Variants in CDH12 observed in about 807,000 individuals in gnomAD.
The protein encoded by CDH12 is cadherin 12.
Under a neutral mutation model 74.1 loss-of-function variants are expected in CDH12, and 41 were observed. The observed-to-expected ratio is 0.55, with a 90% CI of 0.43 to 0.72. CDH12 has a LOEUF of 0.72. CDH12 is among the 30% of genes least tolerant of loss of function. CDH12 has a pLI of 0.00. For synonymous variants in CDH12, 399 were observed against 355.0 expected (o/e 1.12, Z -1.39); for missense variants, 945 against 977.2 (o/e 0.97, Z 0.44).
intron 7 of CDH12, among the ~76,000 whole-genome samples, chr5:21,844,273 A>C (rs986160507): frequency 1.3e-5 from 2 of 152,044 alleles, no homozygotes; most frequent in Non-Finnish European, 2.9e-5. Context: ...TTCTTCTCCC[A>C]CCTTAAAATA....
At chr5:22,384,129 T>C (rs2126393806) in intron 3 of CDH12, among the ~76,000 whole-genome samples, 1 of 152,294 alleles carries the variant, frequency 6.6e-6, no homozygotes, top group Middle Eastern at 3.4e-3. Flanking sequence ...TATTTTATTA[T>C]TTTTCTCATT....
At chr5:22,245,138 G>T (rs1473917786) in intron 3 of CDH12, among the ~76,000 whole-genome samples, 1 of 152,162 alleles carries the variant, frequency 6.6e-6, no homozygotes, top group Non-Finnish European at 1.5e-5. Context: ...GTTTGGATTT[G>T]AAATTTTATT....
intron 3 of CDH12, among the ~76,000 whole-genome samples, chr5:22,325,513 A>C (rs1303893557): frequency 2.0e-5 from 3 of 152,196 alleles, no homozygotes; most frequent in Admixed American, 2.0e-4. Flanking sequence ...CTAAATTTAC[A>C]GTATCAGAGA....
At chr5:22,010,035 G>T (rs62349089) in intron 5 of CDH12, among the ~76,000 whole-genome samples, 9 of 151,866 alleles carry the variant, frequency 5.9e-5, no homozygotes, top group African/African-American at 2.2e-4. Flanking sequence ...AGAGAAATGG[G>T]TCAGCACTGT....
At chr5:21,996,377 C>T (rs995958852) in intron 5 of CDH12, among the ~76,000 whole-genome samples, 1 of 152,052 alleles carries the variant, frequency 6.6e-6, no homozygotes, top group African/African-American at 2.4e-5. Flanking sequence ...TAAAAGAAAA[C>T]CAAATGGTCT....
chr5:22,212,481 G>C lies in CDH12; in HGVS notation c.-187+17C>G. The C allele has an allele frequency of 1.1e-6, 1 of 885,576 alleles. No individual in the cohort carries two copies. Among genetic ancestry groups the C allele is most frequent in the Non-Finnish European group, 1.4e-6 (1 of 738,570 alleles). 54.9% of individuals were successfully genotyped at this position (885,576 alleles called of 1,614,324 possible). Reference sequence around the variant, plus strand: ...AAATTCAGTGCCATGCAGTCACCCGGATAAAGCAGCACTTACCTTAATTGA... The same window carrying C: ...AAATTCAGTGCCATGCAGTCACCCGCATAAAGCAGCACTTACCTTAATTGA... On this transcript the variant is annotated intron_variant, in intron 4 of 14. Transcript: ENST00000382254.
At chr5:22,100,047 T>C (rs1744047929) in intron 4 of CDH12, among the ~76,000 whole-genome samples, 1 of 152,108 alleles carries the variant, frequency 6.6e-6, no homozygotes, top group African/African-American at 2.4e-5. Flanking sequence ...ACATCGCCCA[T>C]TATCTCTCCA....
intron 8 of CDH12, among the ~76,000 whole-genome samples, chr5:21,817,397 T>C (rs1396811007): frequency 6.6e-6 from 1 of 152,088 alleles, no homozygotes; most frequent in Non-Finnish European, 1.5e-5. Context: ...GCAGGACTTG[T>C]TTTACACACT....
chr5:21,956,487 T>A (rs1429398677), intron 6 of CDH12, among the ~76,000 whole-genome samples: 1 of 152,082 alleles, frequency 6.6e-6, no homozygotes, highest in South Asian at 2.1e-4. Flanking sequence ...ATCAGTTTTG[T>A]CTTTTATATT....
At chr5:21,833,314 G>A (rs1258936682) in intron 8 of CDH12, among the ~76,000 whole-genome samples, 771 of 3,536 alleles carry the variant, frequency 0.22, 79 homozygotes, top group African/African-American at 0.45. Flanking sequence ...TATGTTATAT[G>A]TTATATAATA....
intron 1 of CDH12, among the ~76,000 whole-genome samples, chr5:22,629,235 C>T (rs1738454446): frequency 6.6e-6 from 1 of 151,974 alleles, no homozygotes; most frequent in South Asian, 2.1e-4. Flanking sequence ...GGATCTCCTA[C>T]CCTAACTCAT....
At chr5:21,987,877 A>C (rs567453857) in intron 5 of CDH12, among the ~76,000 whole-genome samples, 4,277 of 152,052 alleles carry the variant, frequency 0.028, 199 homozygotes, top group African/African-American at 0.096. Context: ...CATTGGTTTT[A>C]TTTACCATCT....
At chr5:21,894,702 T>A (rs1335302121) in intron 6 of CDH12, among the ~76,000 whole-genome samples, 1 of 152,084 alleles carries the variant, frequency 6.6e-6, no homozygotes, top group African/African-American at 2.4e-5. Flanking sequence ...TTAGTTGCAT[T>A]CTAGGACTCC....
intron 1 of CDH12, among the ~76,000 whole-genome samples, chr5:22,721,146 G>C (rs566650842): frequency 5.9e-5 from 9 of 152,326 alleles, no homozygotes; most frequent in South Asian, 4.1e-4. Context: ...GTGGTTTCAT[G>C]AGCCCGGCCC....
chr5:22,135,957 C>T (rs932627952), intron 4 of CDH12, among the ~76,000 whole-genome samples: 1 of 151,720 alleles, frequency 6.6e-6, no homozygotes, highest in Non-Finnish European at 1.5e-5. Context: ...CGAGAATGCC[C>T]CAATTCAAAT....
chr5:22,793,675 T>C (rs1257800103), intron 1 of CDH12, among the ~76,000 whole-genome samples: 1 of 152,122 alleles, frequency 6.6e-6, no homozygotes, highest in Non-Finnish European at 1.5e-5. Context: ...GCTGCTATGA[T>C]ATAGTCTTAA....
intron 5 of CDH12, among the ~76,000 whole-genome samples, chr5:22,007,429 T>A (rs1366817575): frequency 4.0e-5 from 6 of 150,326 alleles, no homozygotes; most frequent in Non-Finnish European, 5.9e-5. Context: ...AACATACTGT[T>A]GTACACCATA....
At position 21,751,878 on chromosome 5, in the gene CDH12, T is replaced by C; in HGVS notation, c.2244A>G (p.Ala748=). ...TYAYEGSGSV[A]ESLSSIDSLT... ...GAGAGTCTATAGAGCTGAGGGACTC[T>C]GCCACGGACCCACTCCCTTCGTAGG... is the stretch of plus-strand genomic sequence containing the variant. Residue 748 remains alanine, a synonymous_variant, in exon 15 of 15, where the codon GCA becomes GCG. Transcript: ENST00000382254. 1 of 1,614,110 alleles carries C rather than the reference T, an allele frequency of 6.2e-7. No homozygotes were observed. The highest frequency in any genetic ancestry group is 1.1e-5 in the South Asian group (1 of 91,072).
At chr5:22,644,911 G>C (rs1006726418) in intron 1 of CDH12, among the ~76,000 whole-genome samples, 3 of 151,924 alleles carry the variant, frequency 2.0e-5, no homozygotes, top group African/African-American at 7.3e-5. Flanking sequence ...GAACAACAAA[G>C]CCGAGATGAC....
Sources: allele counts gnomAD v4.1 joint callset (sites outside exome capture counted in the v4.1 genomes callset), GRCh38; gene constraint gnomAD v4.1.1; transcripts MANE v1.5; gene names NCBI Gene and HGNC (gene_info 2026-07-23, HGNC 2026-07-21).